Variants in CAMSAP1 observed in about 807,000 individuals in gnomAD.
The protein encoded by CAMSAP1 is calmodulin-regulated spectrin-associated protein 1.
CAMSAP1 carries 58 observed loss-of-function variants against 143.5 expected under a neutral mutation model. That is an observed-to-expected ratio of 0.40 (90% CI 0.33 to 0.50). The LOEUF (loss-of-function observed/expected upper bound fraction) is 0.50. Ranked by LOEUF, CAMSAP1 falls within the 20% of genes least tolerant of loss-of-function variation. The pLI is 0.45. For missense variants in CAMSAP1, 1,969 were observed against 2,115.7 expected, an observed-to-expected ratio of 0.93 and a Z score of 1.36; for synonymous variants, 945 against 859.3, an observed-to-expected ratio of 1.10 and a Z score of -1.74.
chr9:135,846,740 C>G (rs991636752), intron 7 of CAMSAP1, among the ~76,000 whole-genome samples: 6 of 148,830 alleles, frequency 4.0e-5, no homozygotes, highest in Admixed American at 4.0e-4. Flanking sequence ...GGACGCACTT[C>G]TCAAAAGAAG....
Position 135,837,065 on chromosome 9 carries a change from T to C in CAMSAP1, c.1046-9481A>G, listed in dbSNP as rs186491228. The C allele has an allele frequency of 7.4e-4, 458 of 615,214 alleles. 9 individuals carry two copies. The East Asian group carries it at 0.037, about 50-fold the overall frequency. The allele number at this position is 615,214 out of a possible 1,614,324, so 38.1% of individuals were successfully genotyped here. On this transcript the variant is annotated intron_variant, in intron 7 of 16. Transcript: ENST00000389532. ...GAGACACACATCATCATGCCCGTTC[T>C]ACAGACACACATCATCACGCACTTT...
intron 1 of CAMSAP1, among the ~76,000 whole-genome samples, chr9:135,893,433 A>G (rs181662021): frequency 6.6e-6 from 1 of 152,250 alleles, no homozygotes; most frequent in Admixed American, 6.5e-5. Flanking sequence ...GAAGAAAAGG[A>G]AAACAAAACA....
chr9:135,847,219 GTGGTGGGCACC>G (rs1021711771), intron 7 of CAMSAP1, among the ~76,000 whole-genome samples: 1 of 151,968 alleles, frequency 6.6e-6, no homozygotes, highest in African/African-American at 2.4e-5. Context: ...GCTGGGCATG[GTGGTGGGCACC>G]TGTAGTCCCA....
chr9:135,850,585 T>A, intron 5 of CAMSAP1, 124 bp from the exon 6 acceptor site: 1 of 746,704 alleles, frequency 1.3e-6, no homozygotes, highest in Non-Finnish European at 2.1e-6. Context: ...CATTGAGAGA[T>A]GTAGGGAGTA....
chr9:135,809,068 T>C lies in CAMSAP1; in HGVS notation c.*2241A>G, dbSNP rs1215594586. 6.6e-6 allele frequency: 1 copy of C among 152,208 alleles called. No individual in the cohort carries two copies. Among genetic ancestry groups the C allele is most frequent in the African/African-American group, 2.4e-5 (1 of 41,462 alleles). The allele number at this position is 152,208 out of a possible 1,614,324, so 9.4% of individuals were successfully genotyped here. On this transcript the variant is annotated 3_prime_UTR_variant, in exon 17 of 17. Transcript: ENST00000389532. ...TAGGAGACATTGATAAACAGAGTTA[T>C]AAGTCAGTGTTATCAACTGCAAAAT...
chr9:135,818,993 C>A lies in CAMSAP1; in HGVS notation c.3959+17G>T, dbSNP rs765241900. 1.2e-6 allele frequency: 2 copies of A among 1,603,072 alleles called. No homozygotes were observed. The highest frequency in any genetic ancestry group is 4.5e-5 in the East Asian group (2 of 44,650). On this transcript the variant is annotated intron_variant, in intron 12 of 16. Coordinates refer to ENST00000389532, the MANE Select transcript of CAMSAP1 (RefSeq NM_015447.4). This position sits in a 1 kb window ranked among gnomAD's most constrained non-coding sequence, Gnocchi z 7.7. ...GGCTCCTGCTCAGTCTGCTTTCCCC[C>A]CCGGCGGGACGCTTACCGGGCTTCG...
chr9:135,865,484 G>T, intron 4 of CAMSAP1: 1 of 905,566 alleles, frequency 1.1e-6, no homozygotes, highest in Non-Finnish European at 1.7e-6. Flanking sequence ...GAGAGCCTCT[G>T]GTAAGCAAAG....
chr9:135,815,970 C>T lies in CAMSAP1; in HGVS notation c.4307G>A (p.Arg1436His), dbSNP rs747835528. Residue 1436 changes from arginine to histidine, a missense_variant, in exon 15 of 17, where the codon CGT becomes CAT. This residue lies in a region of CAMSAP1 where 1,390 missense variants were observed against 1,420.8 expected (regional missense o/e 0.98). Coordinates refer to ENST00000389532, the MANE Select transcript of CAMSAP1 (RefSeq NM_015447.4). ...TCGGTCTGTGCTCCTGCTTGGGTTA[C>T]GGCTCAGTATGGGCAGGGCTTCCAT... Reference protein sequence around the residue: ...ESMEALPILSRNPSRSTDRDW... With the variant: ...ESMEALPILSHNPSRSTDRDW... 1.2e-5 allele frequency: 19 copies of T among 1,613,766 alleles called. No individual in the cohort carries two copies. The highest frequency in any genetic ancestry group is 2.2e-5 in the East Asian group (1 of 44,878).
intron 7 of CAMSAP1, among the ~76,000 whole-genome samples, chr9:135,848,182 T>C (rs555441342): frequency 1.8e-4 from 28 of 151,878 alleles, no homozygotes; most frequent in African/African-American, 4.8e-4. Context: ...TAAGATGGAA[T>C]AGTTACCACA....
chr9:135,882,323 A>T lies in CAMSAP1; in HGVS notation c.423+493T>A, dbSNP rs1316568159. Among the ~76,000 whole-genome samples the T allele has an allele frequency of 6.6e-6, 1 of 152,178 alleles. No homozygotes were observed. Among genetic ancestry groups the T allele is most frequent in the Non-Finnish European group, 1.5e-5 (1 of 68,016 alleles). ...GTCTCACCGGGAACGCCATGGGAGC[A>T]ACCAAACAAAGGCAGTGCAGGAGGC... On this transcript the variant is annotated intron_variant, in intron 2 of 16. Coordinates refer to ENST00000389532, the MANE Select transcript of CAMSAP1 (RefSeq NM_015447.4). The surrounding 1 kb of genome is among the most constrained non-coding windows in gnomAD (Gnocchi z 4.9).
chr9:135,869,265 G>C (rs1256009967), intron 3 of CAMSAP1, among the ~76,000 whole-genome samples: 1 of 152,110 alleles, frequency 6.6e-6, no homozygotes, highest in East Asian at 1.9e-4. Flanking sequence ...CACTTTGGGA[G>C]GCTGAAGCAG....
At chr9:135,905,248 AAC>A (rs747834257) in intron 1 of CAMSAP1, among the ~76,000 whole-genome samples, 5 of 152,230 alleles carry the variant, frequency 3.3e-5, no homozygotes, top group Admixed American at 2.0e-4. Flanking sequence ...ACCCAATACT[AAC>A]ACAGAGACAC....
chr9:135,854,029 C>T (rs1231722399), intron 5 of CAMSAP1, among the ~76,000 whole-genome samples: 4 of 152,256 alleles, frequency 2.6e-5, no homozygotes, highest in African/African-American at 9.6e-5. Flanking sequence ...CTAGAATTTC[C>T]TCTCATAGCC....
intron 3 of CAMSAP1, among the ~76,000 whole-genome samples, chr9:135,872,169 G>A (rs565847917): frequency 4.6e-5 from 7 of 151,878 alleles, no homozygotes; most frequent in Non-Finnish European, 8.8e-5. Context: ...AAGGAATTAA[G>A]AACAACAAAA....
intron 14 of CAMSAP1, among the ~76,000 whole-genome samples, chr9:135,817,063 G>A (rs1835256417): frequency 6.6e-6 from 1 of 152,210 alleles, no homozygotes; most frequent in Non-Finnish European, 1.5e-5. Flanking sequence ...GCAGCCAGAA[G>A]GATAACTGAC....
chr9:135,813,265 A>C (rs1442409769), intron 16 of CAMSAP1, among the ~76,000 whole-genome samples: 2 of 152,200 alleles, frequency 1.3e-5, no homozygotes, highest in Non-Finnish European at 2.9e-5. Context: ...GTGTGGTTGT[A>C]ATGGACGGAG....
intron 1 of CAMSAP1, among the ~76,000 whole-genome samples, chr9:135,892,949 A>G (rs56364597): frequency 0.14 from 21,232 of 151,352 alleles, 1,678 homozygotes; most frequent in Non-Finnish European, 0.18. Context: ...TAGGAGGATC[A>G]TTTGAGTTCA....
chr9:135,836,384 G>A lies in CAMSAP1; in HGVS notation c.1046-8800C>T, dbSNP rs561385979. The A allele has an allele frequency of 4.1e-6, 4 of 981,898 alleles. No individual in the cohort carries two copies. The South Asian group carries it at 1.9e-4, about 46-fold the overall frequency. The allele number at this position is 981,898 out of a possible 1,614,324, so 60.8% of individuals were successfully genotyped here. A position where few individuals can be genotyped will look rare whatever the true frequency, so the allele number is the denominator to read the frequency against. On this transcript the variant is annotated intron_variant, in intron 7 of 16. Transcript: ENST00000389532. ...CACATACCTTCTACCCTGTTCTACA[G>A]ACACACGTTACCACGCTTTTTCTAC...
In CAMSAP1 at chr9:135,824,762, G is replaced by A; in HGVS notation, c.1315+27C>T. The A allele has an allele frequency of 2.8e-6, 4 of 1,444,644 alleles. No individual in the cohort carries two copies. Among genetic ancestry groups the A allele is most frequent in the Non-Finnish European group, 3.7e-6 (4 of 1,067,880 alleles). The allele number at this position is 1,444,644 out of a possible 1,614,324, so 89.5% of individuals were successfully genotyped here. A position where few individuals can be genotyped will look rare whatever the true frequency, so the allele number is the denominator to read the frequency against. On this transcript the variant is annotated intron_variant, in intron 9 of 16. Coordinates refer to ENST00000389532, the MANE Select transcript of CAMSAP1 (RefSeq NM_015447.4). This position sits in a 1 kb window ranked among gnomAD's most constrained non-coding sequence, Gnocchi z 4.1. ...TAATCTATAGTAAGGAGAAATTAAG[G>A]AAAAAAGGAGGAAACAACATTCTTA...
Sources: allele counts gnomAD v4.1 joint callset (sites outside exome capture counted in the v4.1 genomes callset), GRCh38; gene constraint gnomAD v4.1.1; regional missense constraint gnomAD v4.1.1; non-coding constraint Gnocchi (gnomAD v3.1); transcripts MANE v1.5; gene names NCBI Gene and HGNC (gene_info 2026-07-23, HGNC 2026-07-21).